Variants in AR observed in about 807,000 individuals in gnomAD.
AR encodes dihydrotestosterone receptor.
AR carries 8 observed loss-of-function variants against 53.9 expected under a neutral mutation model. The observed-to-expected ratio is 0.15, with a 90% confidence interval of 0.09 to 0.27. The LOEUF (loss-of-function observed/expected upper bound fraction) is 0.27. Among genes scored for constraint, AR ranks in the 10% least tolerant of loss-of-function variants. The pLI is 1.00. For synonymous variants in AR, 359 were observed against 316.4 expected (o/e 1.13, Z -1.43); for missense variants, 639 against 742.5 (o/e 0.86, Z 1.62).
chrX:67,662,750 TG>T (rs1223923632), intron 2 of AR, among the ~76,000 whole-genome samples: 2 of 111,293 alleles, frequency 1.8e-5, no homozygotes, highest in Non-Finnish European at 3.8e-5. Context: ...TATTATTGTG[TG>T]GGAGTCTAAG....
At chrX:67,564,824 T>C (rs1389683563) in intron 1 of AR, among the ~76,000 whole-genome samples, 1 of 112,050 alleles carries the variant, frequency 8.9e-6, no homozygotes, top group Non-Finnish European at 1.9e-5. Context: ...AATTTATTAG[T>C]GGAGAAATTA....
chrX:67,717,307 A>C (rs1241573634), intron 4 of AR, among the ~76,000 whole-genome samples, 171 bp from the exon 5 acceptor site: 1 of 111,328 alleles, frequency 9.0e-6, no homozygotes, highest in Admixed American at 9.5e-5. Context: ...TATTATCCTC[A>C]CCATATAGTT....
intron 1 of AR, among the ~76,000 whole-genome samples, chrX:67,590,867 C>T (rs764713740): frequency 4.5e-5 from 5 of 112,147 alleles, no homozygotes; most frequent in Non-Finnish European, 9.4e-5. Flanking sequence ...TGATGTCTGA[C>T]CATTGTTCAA....
At chrX:67,701,096 A>G (rs1428996065) in intron 3 of AR, among the ~76,000 whole-genome samples, 2 of 112,193 alleles carry the variant, frequency 1.8e-5, no homozygotes. Flanking sequence ...ATGTTGTACA[A>G]TATAATACAG....
chrX:67,643,512 T>A, intron 2 of AR, 105 bp downstream of exon 2: 1 of 1,062,872 alleles, frequency 9.4e-7, no homozygotes, highest in Non-Finnish European at 1.3e-6. Context: ...AGAAATAGAG[T>A]CATTGGCAAG....
intron 1 of AR, among the ~76,000 whole-genome samples, chrX:67,554,912 C>T (rs1307699063): frequency 6.1e-5 from 6 of 98,816 alleles, no homozygotes; most frequent in Non-Finnish European, 1.2e-4. Flanking sequence ...CTCCAGGCTC[C>T]GTCAAAAAAA....
chrX:67,709,599 A>C (rs1389521270), intron 3 of AR, among the ~76,000 whole-genome samples: 1 of 112,011 alleles, frequency 8.9e-6, no homozygotes, highest in Non-Finnish European at 1.9e-5. Context: ...GGGTGAGGCG[A>C]TGCCTCTCCC....
intron 2 of AR, among the ~76,000 whole-genome samples, chrX:67,643,701 C>T (rs1925910152): frequency 8.9e-6 from 1 of 111,931 alleles, no homozygotes; most frequent in Non-Finnish European, 1.9e-5. Flanking sequence ...GATTTAATTT[C>T]CTCCCTTCTT....
At chrX:67,555,303 T>G (rs1930154087) in intron 1 of AR, among the ~76,000 whole-genome samples, 1 of 111,913 alleles carries the variant, frequency 8.9e-6, no homozygotes, top group African/African-American at 3.2e-5. Context: ...ACTCAAGCAA[T>G]AGATTAAAGA....
intron 5 of AR, among the ~76,000 whole-genome samples, chrX:67,718,769 G>A (rs1401652446): frequency 9.0e-6 from 1 of 111,247 alleles, no homozygotes; most frequent in Non-Finnish European, 1.9e-5. Flanking sequence ...GAGTAGCTGG[G>A]ATTATAGATG....
intron 2 of AR, among the ~76,000 whole-genome samples, chrX:67,665,099 G>A (rs1927195094): frequency 8.9e-6 from 1 of 112,894 alleles, no homozygotes; most frequent in East Asian, 2.8e-4. Context: ...TTTGGCTCAT[G>A]CTCGGTGCGC....
chrX:67,705,974 T>C (rs1227272086), intron 3 of AR, among the ~76,000 whole-genome samples: 7 of 112,020 alleles, frequency 6.2e-5, no homozygotes, highest in African/African-American at 2.3e-4. Context: ...GTGGAACCAG[T>C]CTTGCATCCC....
intron 3 of AR, among the ~76,000 whole-genome samples, chrX:67,686,995 T>C (rs2075970487): frequency 1.8e-5 from 2 of 111,851 alleles, no homozygotes; most frequent in African/African-American, 6.5e-5. Context: ...CAAAAAGATG[T>C]GTCTTTCATG....
intron 1 of AR, among the ~76,000 whole-genome samples, chrX:67,640,827 C>T (rs941026732): frequency 9.0e-6 from 1 of 111,454 alleles, no homozygotes; most frequent in Non-Finnish European, 1.9e-5. Flanking sequence ...TTATCATCTC[C>T]TTTACCCATA....
intron 1 of AR, among the ~76,000 whole-genome samples, chrX:67,633,906 G>A (rs1043048237): frequency 3.6e-5 from 4 of 111,845 alleles, no homozygotes; most frequent in Non-Finnish European, 7.5e-5. Context: ...GGGTCTGGGA[G>A]GAGACAGTAT....
At chrX:67,645,548 G>C (rs1206499357) in intron 2 of AR, among the ~76,000 whole-genome samples, 2 of 111,611 alleles carry the variant, frequency 1.8e-5, no homozygotes, top group African/African-American at 3.3e-5. Flanking sequence ...TGTTAAGTTA[G>C]GGAAACTCTG....
intron 1 of AR, among the ~76,000 whole-genome samples, chrX:67,602,705 A>T (rs1772659457): frequency 9.0e-6 from 1 of 111,431 alleles, no homozygotes; most frequent in Non-Finnish European, 1.9e-5. Context: ...TTGGAAGTGG[A>T]TTCTTCCTCT....
intron 2 of AR, among the ~76,000 whole-genome samples, chrX:67,651,042 A>AT (rs371866919): frequency 0.023 from 2,319 of 102,802 alleles, 30 homozygotes; most frequent in African/African-American, 0.035. Flanking sequence ...TAAATGTGGC[A>AT]TTTTTTTTTT....
At chrX:67,630,481 C>G (rs947662007) in intron 1 of AR, among the ~76,000 whole-genome samples, 1 of 109,045 alleles carries the variant, frequency 9.2e-6, no homozygotes, top group African/African-American at 3.3e-5. Flanking sequence ...TTTTTGTTTT[C>G]CATTTGCTTG....
Sources: allele counts gnomAD v4.1 joint callset (sites outside exome capture counted in the v4.1 genomes callset), GRCh38; gene constraint gnomAD v4.1.1; transcripts MANE v1.5; gene names NCBI Gene and HGNC (gene_info 2026-07-23, HGNC 2026-07-21).